RRP15: variants seen among roughly 807,000 people sequenced by gnomAD.
RRP15 encodes ribosomal RNA processing 15 homolog, also known as RRP15-like protein.
RRP15 carries 18 observed loss-of-function variants against 27.1 expected under a neutral mutation model. The observed-to-expected ratio is 0.66, with a 90% confidence interval of 0.46 to 0.98. The LOEUF is 0.98. Among genes scored for constraint, RRP15 ranks in the 50% least tolerant of loss-of-function variants. The pLI, the probability that RRP15 is intolerant of heterozygous loss-of-function variation, is 0.00. For synonymous variants in RRP15, 107 were observed against 109.4 expected (o/e 0.98, Z 0.14); for missense variants, 359 against 337.8 (o/e 1.06, Z -0.49).
At chr1:218,301,855 A>G (rs1247418355) in intron 1 of RRP15, 1 of 154,014 alleles carries the variant, frequency 6.5e-6, no homozygotes, top group African/African-American at 2.4e-5. Context: ...TTATTCTGAT[A>G]ATACTGTACC....
rs139246417 is a variant in RRP15 at position 218,328,561 on chromosome 1, G to A, written c.706-2387G>A. On this transcript the variant is annotated intron_variant, in intron 4 of 4. Transcript: ENST00000366932. ...GCCTATAGTCCCAGCTACTCGGGAG[G>A]CTGAGGCAGGAGAATGGCGTGAACC... Among the ~76,000 whole-genome samples, 986 of 152,220 alleles carry A rather than the reference G, an allele frequency of 6.5e-3. 10 individuals are homozygous for A. Among genetic ancestry groups the A allele is most frequent in the African/African-American group, 0.023 (935 of 41,540 alleles).
chr1:218,318,403 A>G (rs1413137349), intron 4 of RRP15, among the ~76,000 whole-genome samples: 1 of 150,936 alleles, frequency 6.6e-6, no homozygotes, highest in African/African-American at 2.4e-5. Context: ...TTTTTCTTTT[A>G]AAGACTAGCT....
intron 2 of RRP15, among the ~76,000 whole-genome samples, chr1:218,302,828 A>G (rs1173880723): frequency 3.9e-5 from 6 of 152,200 alleles, no homozygotes; most frequent in Non-Finnish European, 8.8e-5. Flanking sequence ...AATTATACAC[A>G]TGGTAGTGAT....
intron 4 of RRP15, among the ~76,000 whole-genome samples, chr1:218,323,824 T>A (rs1656227556): frequency 6.6e-6 from 1 of 152,146 alleles, no homozygotes; most frequent in African/African-American, 2.4e-5. Context: ...AGCTGGGCTG[T>A]AACAGTGCCC....
chr1:218,330,081 T>G (rs1197886955), intron 4 of RRP15, among the ~76,000 whole-genome samples: 1 of 152,146 alleles, frequency 6.6e-6, no homozygotes, highest in Non-Finnish European at 1.5e-5. Context: ...ATGCATAGAC[T>G]GTTAGCCCCC....
chr1:218,327,393 C>G (rs2102516377), intron 4 of RRP15, among the ~76,000 whole-genome samples: 1 of 152,072 alleles, frequency 6.6e-6, no homozygotes, highest in East Asian at 1.9e-4. Context: ...ACTGCAACCT[C>G]CTCCTCCTAA....
chr1:218,291,477 T>C (rs1313712480), intron 1 of RRP15, among the ~76,000 whole-genome samples: 10 of 140,554 alleles, frequency 7.1e-5, no homozygotes, highest in African/African-American at 2.6e-4. Flanking sequence ...AAAACAAAAC[T>C]CTGAGATTAA....
rs1175594518 is a variant in RRP15, at chr1:218,334,329, CT to C, written c.*3239del. On this transcript the variant is annotated 3_prime_UTR_variant, in exon 5 of 5. Transcript: ENST00000366932. ...CACTAGTACTTAGAGCCTAAAGTCA[CT>C]CAGTAGGAGGTTCTCAAAGGTCTAT... 6.6e-6 allele frequency: 1 copy of C among 152,160 alleles called. No homozygotes were observed. 9.4% of individuals were successfully genotyped at this position (152,160 alleles called of 1,614,324 possible).
intron 4 of RRP15, among the ~76,000 whole-genome samples, chr1:218,309,844 G>C (rs1655964729): frequency 6.6e-6 from 1 of 152,152 alleles, no homozygotes; most frequent in South Asian, 2.1e-4. Flanking sequence ...TTCTAAATTA[G>C]TATGTCAAGT....
intron 4 of RRP15, among the ~76,000 whole-genome samples, chr1:218,308,924 G>T (rs1434365984): frequency 6.6e-6 from 1 of 152,202 alleles, no homozygotes; most frequent in African/African-American, 2.4e-5. Flanking sequence ...GAAAGAACTA[G>T]TGGGAAGATG....
At chr1:218,286,500 C>T (rs531590415) in intron 1 of RRP15, among the ~76,000 whole-genome samples, 19 of 152,336 alleles carry the variant, frequency 1.2e-4, no homozygotes, top group East Asian at 1.9e-4. Context: ...CCCTATGTAA[C>T]GTACCACCAC....
rs774967125 is a variant in RRP15 at position 218,285,436 on chromosome 1, A to G, written c.120A>G (p.Thr40=). 1 of 1,614,170 alleles carries G rather than the reference A, an allele frequency of 6.2e-7. No homozygotes were observed. The highest frequency in any genetic ancestry group is 8.5e-7 in the Non-Finnish European group (1 of 1,180,026). The stretch of plus-strand genomic sequence containing the variant: ...CGTCGGTGCTGGAAGACGAGGCCAC[A>G]GACACTTCTGATAGTGAAGGTAATG... ...AVASVLEDEA[T]DTSDSEGSCG... Residue 40 remains threonine, a synonymous_variant, in exon 1 of 5, where the codon ACA becomes ACG. Coordinates refer to ENST00000366932, the MANE Select transcript of RRP15 (RefSeq NM_016052.4).
intron 1 of RRP15, among the ~76,000 whole-genome samples, chr1:218,286,548 T>G (rs1655551797): frequency 6.6e-6 from 1 of 152,222 alleles, no homozygotes; most frequent in African/African-American, 2.4e-5. Flanking sequence ...ACTTTTTGAC[T>G]TATTGCCCTG....
intron 4 of RRP15, among the ~76,000 whole-genome samples, chr1:218,325,592 T>G (rs923270309): frequency 1.3e-5 from 2 of 152,230 alleles, no homozygotes; most frequent in African/African-American, 4.8e-5. Flanking sequence ...TCTTTCGATT[T>G]CTGATTATTG....
intron 4 of RRP15, among the ~76,000 whole-genome samples, chr1:218,329,042 G>T (rs116583383): frequency 8.6e-5 from 13 of 152,038 alleles, no homozygotes; most frequent in Non-Finnish European, 1.9e-4. Context: ...TGACAGGAGA[G>T]GTGTTATAAT....
intron 4 of RRP15, among the ~76,000 whole-genome samples, chr1:218,321,127 C>T (rs544831536): frequency 1.3e-5 from 2 of 152,096 alleles, no homozygotes; most frequent in African/African-American, 2.4e-5. Flanking sequence ...TGTATGTTTG[C>T]GCTTTGAAAT....
At chr1:218,312,292 T>TTC (rs1334416891) in intron 4 of RRP15, among the ~76,000 whole-genome samples, 1 of 151,802 alleles carries the variant, frequency 6.6e-6, no homozygotes, top group African/African-American at 2.4e-5. Context: ...CTTTTTTTTT[T>TTC]TTTTAGCCAT....
intron 1 of RRP15, among the ~76,000 whole-genome samples, chr1:218,297,632 G>A (rs551077362): frequency 8.1e-4 from 123 of 152,188 alleles, no homozygotes; most frequent in African/African-American, 2.7e-3. Context: ...CCTCAATCAC[G>A]TTTTTACCGG....
In RRP15 at chr1:218,285,330, C is replaced by T. The variant is rs113946450; in HGVS notation, c.14C>T (p.Ala5Val). MAAA[A>V]PDSRVSEEEN... ...CGGCGCAGAAAAATGGCAGCCGCCG[C>T]TCCGGACTCACGTGTGAGTGAGGAA... The change falls in exon 1 of 5, where the codon GCT becomes GTT. Residue 5 changes from alanine (A) to valine (V), a missense_variant. Transcript: ENST00000366932. The T allele has an allele frequency of 5.3e-5, 85 of 1,613,956 alleles. No homozygotes were observed. In the African/African-American group the frequency reaches 8.4e-4, roughly 16 times the overall value.
Sources: gnomAD v4.1 joint callset for allele counts (sites outside exome capture counted in the v4.1 genomes callset) on GRCh38, gnomAD v4.1.1 for gene constraint, MANE v1.5 for transcripts, NCBI Gene and HGNC (gene_info 2026-07-23, HGNC 2026-07-21) for gene names.